The following CEP78 variants were observed in gnomAD, a reference collection of about 807,000 sequenced individuals.
CEP78 encodes centrosomal protein 78, also known as centrosomal protein of 78 kDa.
Under a neutral mutation model 81.2 loss-of-function variants are expected in CEP78, and 76 were observed. That is an observed-to-expected ratio of 0.94 (90% CI 0.78 to 1.13). CEP78 has a LOEUF of 1.13. Ranked by LOEUF, CEP78 falls within the 50% of genes most tolerant of loss-of-function variation. CEP78 has a pLI of 0.00. For synonymous variants in CEP78, 293 were observed against 301.4 expected, an observed-to-expected ratio of 0.97 and a Z score of 0.29; for missense variants, 918 against 846.8, an observed-to-expected ratio of 1.08 and a Z score of -1.04.
intron 9 of CEP78, 78 bp downstream of exon 9, chr9:78,252,121 A>G: frequency 7.7e-7 from 1 of 1,291,712 alleles, no homozygotes; most frequent in Non-Finnish European, 1.1e-6. Context: ...CTATTATGTG[A>G]GAGTTCTCTG....
intron 4 of CEP78, among the ~76,000 whole-genome samples, chr9:78,243,126 G>A (rs962023788): frequency 2.0e-5 from 3 of 152,210 alleles, no homozygotes; most frequent in Admixed American, 6.5e-5. Context: ...TGATTTAGAG[G>A]CTCAGCAATG....
intron 1 of CEP78, 34 bp downstream of exon 1, chr9:78,236,637 G>A (rs755940154): frequency 6.6e-7 from 1 of 1,513,938 alleles, no homozygotes; most frequent in Non-Finnish European, 8.8e-7. Flanking sequence ...CCCCTCAGTC[G>A]GTGCGGCGAA....
At chr9:78,264,396 A>G in intron 13 of CEP78, 80 bp downstream of exon 13, 2 of 1,093,292 alleles carry the variant, frequency 1.8e-6, no homozygotes, top group Non-Finnish European at 2.7e-6. Context: ...CAATTTTTAT[A>G]GCTTTCTGAA....
intron 16 of CEP78, chr9:78,266,967 T>A: frequency 7.1e-7 from 1 of 1,405,916 alleles, no homozygotes; most frequent in African/African-American, 1.4e-5. Flanking sequence ...TGATTTTGAA[T>A]TTCAAGAAAG....
In CEP78 at chr9:78,266,484, G is replaced by T. The variant is rs771598824; in HGVS notation, c.1888G>T (p.Asp630Tyr). The T allele has an allele frequency of 3.2e-5, 52 of 1,612,226 alleles. No individual in the cohort carries two copies. Among genetic ancestry groups the T allele is most frequent in the Non-Finnish European group, 4.3e-5 (51 of 1,178,858 alleles). The stretch of plus-strand genomic sequence containing the variant: ...TGATGCTAGAATTCCTTTGCCTCTC[G>T]ACTCCTTTCCTGTCCCAGTTTCTAC... ...TGDARIPLPL[D>Y]SFPVPVSTPE... The change falls in exon 16 of 17, where the codon GAC becomes TAC. Residue 630 changes from aspartate to tyrosine, a missense_variant. Physicochemically the swap from Asp to Tyr is radical, Grantham distance 160. Transcript: ENST00000643273.
chr9:78,258,536 G>A (rs1428110456), intron 11 of CEP78, among the ~76,000 whole-genome samples: 2 of 152,120 alleles, frequency 1.3e-5, no homozygotes, highest in Non-Finnish European at 2.9e-5. Context: ...AAAACTAATG[G>A]TGATAACAAC....
chr9:78,236,747 T>C (rs1825962980), intron 1 of CEP78, 144 bp downstream of exon 1: 2 of 1,064,546 alleles, frequency 1.9e-6, no homozygotes, highest in Non-Finnish European at 2.6e-6. Context: ...GCTTAAGGTC[T>C]CTAGGGCTTC....
chr9:78,268,071 A>G (rs1827606296), intron 16 of CEP78, among the ~76,000 whole-genome samples: 1 of 152,066 alleles, frequency 6.6e-6, no homozygotes, highest in South Asian at 2.1e-4. Context: ...AATACCGTAT[A>G]TTACATTCTA....
Position 78,251,965 on chromosome 9 carries a change from A to C in CEP78, c.1127A>C (p.Tyr376Ser). 1.2e-6 allele frequency: 2 copies of C among 1,609,376 alleles called. No homozygotes were observed. The highest frequency in any genetic ancestry group is 2.2e-5 in the South Asian group (2 of 90,386). Residue 376 changes from tyrosine (Y) to serine (S), a missense_variant, in exon 9 of 17, where the codon TAT (tyrosine) becomes TCT (serine). Transcript: ENST00000643273. ...SGRKHSLGKE[Y>S]YAPAPLPPGV... The stretch of plus-strand genomic sequence containing the variant: ...AGAAAACACTCCCTTGGTAAAGAAT[A>C]TTATGCGCCCGCACCTCTTCCACCT...
chr9:78,253,878 C>G (rs1229618957), intron 10 of CEP78: 1 of 152,218 alleles, frequency 6.6e-6, no homozygotes. Context: ...CCTGTGTGTC[C>G]GTACTGCCCC....
intron 11 of CEP78, among the ~76,000 whole-genome samples, chr9:78,256,481 A>G (rs1827032286): frequency 1.3e-5 from 2 of 151,772 alleles, no homozygotes; most frequent in South Asian, 4.2e-4. Flanking sequence ...CTTCATGCAT[A>G]ACAGAAGCTA....
intron 5 of CEP78, among the ~76,000 whole-genome samples, chr9:78,245,046 A>G (rs1204810088): frequency 1.3e-5 from 2 of 152,198 alleles, no homozygotes; most frequent in Non-Finnish European, 2.9e-5. Context: ...GGCTAGGTGG[A>G]TAATTACATC....
rs11137569 is a variant in CEP78, at chr9:78,242,036, A to G, written c.603+237A>G. Reference sequence around the variant, plus strand: ...AATAATTAGATTTTTCTGTAAATACAGTTTGTAAAACAGTAATTTTAAAGG... The same window carrying G: ...AATAATTAGATTTTTCTGTAAATACGGTTTGTAAAACAGTAATTTTAAAGG... On this transcript the variant is annotated intron_variant, in intron 4 of 16. Coordinates refer to ENST00000643273, the MANE Select transcript of CEP78 (RefSeq NM_001330691.3). 0.27 allele frequency among the ~76,000 whole-genome samples: 41,411 copies of G among 152,092 alleles called. 6,958 individuals are homozygous for G. The highest frequency in any genetic ancestry group is 0.46 in the African/African-American group (19,189 of 41,460).
intron 1 of CEP78, 146 bp downstream of exon 1, chr9:78,236,749 T>TA (rs1825963320): frequency 4.7e-6 from 5 of 1,057,618 alleles, no homozygotes; most frequent in Non-Finnish European, 6.5e-6. Flanking sequence ...TTAAGGTCTC[T>TA]AGGGCTTCAG....
At chr9:78,255,081 TTCTA>T in intron 11 of CEP78, 117 bp downstream of exon 11, 1 of 705,694 alleles carries the variant, frequency 1.4e-6, no homozygotes, top group Non-Finnish European at 2.2e-6. Context: ...TTCGCCTTCC[TTCTA>T]TCTCATATCC....
chr9:78,246,579 G>A (rs1826491870), intron 5 of CEP78, 90 bp from the exon 6 acceptor site: 2 of 728,086 alleles, frequency 2.7e-6, no homozygotes, highest in South Asian at 2.0e-5. Flanking sequence ...CAGCCTGGGT[G>A]ACAGAGTGAG....
Position 78,266,719 on chromosome 9 carries a change from A to C in CEP78, c.2107+16A>C. The C allele has an allele frequency of 6.2e-7, 1 of 1,611,592 alleles. No individual in the cohort carries two copies. The highest frequency in any genetic ancestry group is 1.1e-5 in the South Asian group (1 of 90,410). On this transcript the variant is annotated intron_variant, in intron 16 of 16. Coordinates refer to ENST00000643273, the MANE Select transcript of CEP78 (RefSeq NM_001330691.3). ...ACCAAAACAGGTGAATATACCAAAA[A>C]ACACTCTGATAAGCAACACCCTGGA...
In CEP78 at chr9:78,266,499, C is replaced by T. The variant is rs1827538955; in HGVS notation, c.1903C>T (p.Pro635Ser). ...IPLPLDSFPV[P>S]VSTPEGLGTS... ...TTTGCCTCTCGACTCCTTTCCTGTCCCAGTTTCTACTCCAGAGGGCTTAGG... is the reference window on the plus strand; with the variant it reads ...TTTGCCTCTCGACTCCTTTCCTGTCTCAGTTTCTACTCCAGAGGGCTTAGG... The change falls in exon 16 of 17, where the codon CCA becomes TCA. Residue 635 changes from proline (P) to serine (S), a missense_variant. Pro to Ser is a moderately conservative substitution (Grantham distance 74). Coordinates refer to ENST00000643273, the MANE Select transcript of CEP78 (RefSeq NM_001330691.3). 6.2e-7 allele frequency: 1 copy of T among 1,613,210 alleles called. No homozygotes were observed. Among genetic ancestry groups the T allele is most frequent in the Middle Eastern group, 1.7e-4 (1 of 6,054 alleles).
intron 1 of CEP78, among the ~76,000 whole-genome samples, chr9:78,237,618 G>A (rs1223493044): frequency 6.6e-6 from 1 of 152,128 alleles, no homozygotes; most frequent in Non-Finnish European, 1.5e-5. Flanking sequence ...GAAACCTTGT[G>A]GGGGCCAAAC....
Sources: allele counts gnomAD v4.1 joint callset (sites outside exome capture counted in the v4.1 genomes callset), GRCh38; gene constraint gnomAD v4.1.1; transcripts MANE v1.5; gene names NCBI Gene and HGNC (gene_info 2026-07-23, HGNC 2026-07-21).